Variants in KCNAB2 observed in about 807,000 individuals in gnomAD.
KCNAB2 encodes the protein potassium voltage-gated channel subfamily A regulatory beta subunit 2.
KCNAB2 carries 29 observed loss-of-function variants against 63.6 expected under a neutral mutation model. That is an observed-to-expected ratio of 0.46 (90% CI 0.34 to 0.62). KCNAB2 has a LOEUF of 0.62. Ranked by LOEUF, KCNAB2 falls within the 20% of genes least tolerant of loss-of-function variation. KCNAB2 has a pLI of 0.01. For missense variants in KCNAB2, 359 were observed against 563.9 expected, an observed-to-expected ratio of 0.64 and a Z score of 3.68; for synonymous variants, 222 against 224.2, an observed-to-expected ratio of 0.99 and a Z score of 0.09.
intron 4 of KCNAB2, among the ~76,000 whole-genome samples, chr1:6,077,773 C>T (rs146889540): frequency 1.0e-3 from 159 of 152,322 alleles, no homozygotes; most frequent in Non-Finnish European, 1.7e-3. Flanking sequence ...CCCTGCCTAG[C>T]GCCAGCTCCC....
chr1:6,059,877 T>C (rs1662159959), intron 2 of KCNAB2, among the ~76,000 whole-genome samples: 1 of 152,088 alleles, frequency 6.6e-6, no homozygotes. Flanking sequence ...AGCACACACA[T>C]GGCCTGCAGG....
At chr1:6,065,623 T>G (rs1662678273) in intron 2 of KCNAB2, among the ~76,000 whole-genome samples, 1 of 151,948 alleles carries the variant, frequency 6.6e-6, no homozygotes, top group African/African-American at 2.4e-5. Context: ...CCTTCTCCAG[T>G]CCAAGGAAGG....
intron 2 of KCNAB2, 68 bp downstream of exon 2, chr1:6,051,822 G>A (rs1661422705): frequency 1.3e-5 from 19 of 1,458,086 alleles, no homozygotes; most frequent in Non-Finnish European, 1.7e-5. Context: ...TGTATAAAAG[G>A]GCTGGGCACG....
At chr1:6,098,217 TCA>T (rs776056014) in intron 15 of KCNAB2, 35 of 1,203,776 alleles carry the variant, frequency 2.9e-5, no homozygotes, top group Admixed American at 4.2e-5. Flanking sequence ...CCATTTTATG[TCA>T]CTGCTGCCAC....
At chr1:6,056,420 A>G (rs919358393) in intron 2 of KCNAB2, among the ~76,000 whole-genome samples, 2 of 152,200 alleles carry the variant, frequency 1.3e-5, no homozygotes, top group African/African-American at 4.8e-5. Flanking sequence ...TTAAATCCAC[A>G]CAGCCCCTGT....
At chr1:6,097,506 T>C (rs1055555738) in intron 15 of KCNAB2, 149 bp downstream of exon 15, 24 of 1,397,866 alleles carry the variant, frequency 1.7e-5, no homozygotes, top group Non-Finnish European at 2.2e-5. Context: ...CCTGGAGAGC[T>C]TGCTTTCCAG....
chr1:6,089,668 C>T (rs576230247), intron 8 of KCNAB2, among the ~76,000 whole-genome samples: 159 of 152,322 alleles, frequency 1.0e-3, no homozygotes, highest in Non-Finnish European at 2.1e-3. Context: ...TAAGCACCAG[C>T]GGGTGGCTTG....
intron 2 of KCNAB2, among the ~76,000 whole-genome samples, chr1:6,063,711 C>T (rs1207766534): frequency 6.6e-6 from 1 of 152,182 alleles, no homozygotes; most frequent in South Asian, 2.1e-4. Flanking sequence ...ACACTGGACA[C>T]TTCCTTCTTT....
intron 1 of KCNAB2, among the ~76,000 whole-genome samples, chr1:6,000,396 G>T (rs1367165166): frequency 6.6e-6 from 1 of 152,188 alleles, no homozygotes; most frequent in Non-Finnish European, 1.5e-5. Context: ...CTCCTTGAAG[G>T]AGTAGTGGAT....
chr1:6,084,641 C>T (rs902888413), intron 5 of KCNAB2, among the ~76,000 whole-genome samples: 1 of 152,048 alleles, frequency 6.6e-6, no homozygotes, highest in Non-Finnish European at 1.5e-5. Context: ...CATAGTGAAA[C>T]CCCGTCTCTA....
intron 1 of KCNAB2, among the ~76,000 whole-genome samples, chr1:6,048,148 T>C (rs533344137): frequency 6.6e-6 from 1 of 152,366 alleles, no homozygotes; most frequent in South Asian, 2.1e-4. Context: ...TATTCACATC[T>C]GTGTTCTCTT....
chr1:6,051,735 C>G lies in KCNAB2; in HGVS notation c.199C>G (p.Arg67Gly), dbSNP rs968801038. ...GLSLDGCTAQ[R>G]TGMKYRNLGK... is the part of the protein sequence containing the mutation. ...TTCCCTGGACGGCTGCACCGCCCAG[C>G]GCACAGGCATGAAGTATCGGTAAGG... is the stretch of plus-strand genomic sequence containing the variant. Residue 67 changes from arginine (R) to glycine (G), a missense_variant, in exon 2 of 16, where the codon CGC (arginine) becomes GGC (glycine). By Grantham distance (125) the Arg-to-Gly change is moderately radical. This residue lies in a region of KCNAB2 where 271 missense variants were observed against 476.1 expected (regional missense o/e 0.57). Coordinates refer to ENST00000378083, the MANE Select transcript of KCNAB2 (RefSeq NM_001199862.2). 1 of 1,533,074 alleles carries G rather than the reference C, an allele frequency of 6.5e-7. No individual in the cohort carries two copies. Among genetic ancestry groups the G allele is most frequent in the Non-Finnish European group, 8.7e-7 (1 of 1,146,418 alleles). 95.0% of individuals were successfully genotyped at this position (1,533,074 alleles called of 1,614,324 possible). A position where few individuals can be genotyped will look rare whatever the true frequency, so the allele number is the denominator to read the frequency against.
intron 1 of KCNAB2, among the ~76,000 whole-genome samples, chr1:6,000,124 C>T (rs1279321595): frequency 2.6e-5 from 4 of 152,174 alleles, no homozygotes; most frequent in Non-Finnish European, 5.9e-5. Flanking sequence ...CTACCTGTGC[C>T]CTGTCTGTCT....
At chr1:6,056,609 G>A (rs1377055256) in intron 2 of KCNAB2, among the ~76,000 whole-genome samples, 2 of 152,154 alleles carry the variant, frequency 1.3e-5, no homozygotes, top group Non-Finnish European at 2.9e-5. Context: ...GCTCCCCATG[G>A]TGCTGGGAGT....
rs1055922807 is a variant in KCNAB2 at position 6,094,414 on chromosome 1, A to G, written c.661A>G (p.Met221Val). ...TCTCACGACAGAGACCGTCCGCGCC[A>G]TGACCCACGTCATCAACCAGGGGAT... Reference protein sequence around the residue: ...TFIIEETVRAMTHVINQGMAM... With the variant: ...TFIIEETVRAVTHVINQGMAM... Residue 221 changes from methionine to valine, a missense_variant, in exon 11 of 16, where the codon ATG becomes GTG. By Grantham distance (21) the Met-to-Val change is conservative. Coordinates refer to ENST00000378083, the MANE Select transcript of KCNAB2 (RefSeq NM_001199862.2). 2.5e-6 allele frequency: 4 copies of G among 1,611,120 alleles called. No homozygotes were observed. In the Admixed American group the frequency reaches 5.0e-5, roughly 20 times the overall value.
At chr1:6,017,406 C>CTG (rs56202547) in intron 1 of KCNAB2, among the ~76,000 whole-genome samples, 16,344 of 147,194 alleles carry the variant, frequency 0.11, 1,156 homozygotes, top group East Asian at 0.26. Flanking sequence ...CCATACCTGG[C>CTG]TGTGTGTGTG....
intron 5 of KCNAB2, among the ~76,000 whole-genome samples, chr1:6,084,584 A>G (rs3789535): frequency 0.018 from 2,669 of 152,292 alleles, 72 homozygotes; most frequent in East Asian, 0.13. Flanking sequence ...GGGAGGCCAC[A>G]GTGGGCGGAT....
rs139031675 is a variant in KCNAB2 at position 6,075,960 on chromosome 1, A to T, written c.300+2190A>T. Among the ~76,000 whole-genome samples, 57 of 152,348 alleles carry T rather than the reference A, an allele frequency of 3.7e-4. 1 individual carries two copies. The East Asian group carries it at 0.011, about 28-fold the overall frequency. On this transcript the variant is annotated intron_variant, in intron 4 of 15. Transcript: ENST00000378083. ...ACACTGTTTGTATAAATAAAGTTTT[A>T]TTAGGACATAGCCACGCCCATCATT...
chr1:6,033,864 G>T (rs1659827546), upstream of KCNAB2, among the ~76,000 whole-genome samples: 1 of 152,176 alleles, frequency 6.6e-6, no homozygotes, highest in African/African-American at 2.4e-5. Flanking sequence ...AATGCTCCAT[G>T]CTTCAGTTTC....
Sources: gnomAD v4.1 joint callset for allele counts (sites outside exome capture counted in the v4.1 genomes callset) on GRCh38, gnomAD v4.1.1 for gene constraint, gnomAD v4.1.1 regional missense constraint, MANE v1.5 for transcripts, NCBI Gene and HGNC (gene_info 2026-07-23, HGNC 2026-07-21) for gene names.